CFAP99: variants seen among roughly 807,000 people sequenced by gnomAD.
The protein encoded by CFAP99 is cilia- and flagella-associated protein 99.
CFAP99 carries 84 observed loss-of-function variants against 82.7 expected under a neutral mutation model. The observed-to-expected ratio is 1.02, with a 90% CI of 0.85 to 1.22. The LOEUF (loss-of-function observed/expected upper bound fraction) is 1.22, where lower values mean the gene tolerates loss of function less well. Among genes scored for constraint, CFAP99 ranks in the 50% most tolerant of loss-of-function variants. The probability of loss-of-function intolerance (pLI) is 0.00; values close to 1 mark genes in which losing one functional copy is unlikely to be tolerated. For synonymous variants in CFAP99, 456 were observed against 429.5 expected (o/e 1.06, Z -0.76); for missense variants, 1,059 against 983.5 (o/e 1.08, Z -1.03).
chr4:2,423,541 T>G (rs531404745), intron 1 of CFAP99, among the ~76,000 whole-genome samples: 6 of 151,834 alleles, frequency 4.0e-5, no homozygotes, highest in Admixed American at 1.3e-4. Context: ...TGGGGTGGGG[T>G]GTGGGTGGTC....
intron 13 of CFAP99, 145 bp downstream of exon 13, chr4:2,459,403 C>T: frequency 3.9e-6 from 4 of 1,016,738 alleles, no homozygotes; most frequent in East Asian, 5.3e-5. Flanking sequence ...CGTGACTCAA[C>T]ACCCATGTGC....
chr4:2,459,064 C>T, intron 12 of CFAP99, 43 bp from the exon 13 acceptor site: 10 of 1,476,556 alleles, frequency 6.8e-6, no homozygotes, highest in African/African-American at 1.4e-5. Flanking sequence ...AGCCCCTGCC[C>T]TGCCACCCAC....
chr4:2,443,448 G>A (rs1734097499), intron 5 of CFAP99, among the ~76,000 whole-genome samples: 1 of 152,230 alleles, frequency 6.6e-6, no homozygotes, highest in African/African-American at 2.4e-5. Context: ...AAAAGACGTG[G>A]TCCAACTGCC....
At chr4:2,421,388 T>C (rs1192274718) in intron 1 of CFAP99, among the ~76,000 whole-genome samples, 1 of 129,872 alleles carries the variant, frequency 7.7e-6, no homozygotes, top group African/African-American at 2.9e-5. Flanking sequence ...GGCGTCTCGC[T>C]CTGTCGCCCA....
In CFAP99 at chr4:2,448,320, C is replaced by T. The variant is rs1036772695; in HGVS notation, c.643-1350C>T. ...CCCCTGCCTGGGCCCTCACCATGTCCTCCCATGCTCTATAGCTGTGTGCCT... is the reference window on the plus strand; with the variant it reads ...CCCCTGCCTGGGCCCTCACCATGTCTTCCCATGCTCTATAGCTGTGTGCCT... On this transcript the variant is annotated intron_variant, in intron 6 of 14. Coordinates refer to ENST00000635017, the Ensembl canonical transcript of CFAP99. This position sits in a 1 kb window ranked among gnomAD's most constrained non-coding sequence, Gnocchi z 5.2. 2.0e-5 allele frequency among the ~76,000 whole-genome samples: 3 copies of T among 152,214 alleles called. No homozygotes were observed. The highest frequency in any genetic ancestry group is 1.9e-4 in the East Asian group (1 of 5,200).
intron 3 of CFAP99, among the ~76,000 whole-genome samples, 185 bp downstream of exon 3, chr4:2,437,203 G>A (rs1246067946): frequency 6.6e-6 from 1 of 152,158 alleles, no homozygotes; most frequent in Non-Finnish European, 1.5e-5. Flanking sequence ...CCTTGCAGAT[G>A]GGAAACTGAT....
Position 2,421,389 on chromosome 4 carries a change from C to T in CFAP99, c.-18+2296C>T, listed in dbSNP as rs544636276. 2.2e-3 allele frequency among the ~76,000 whole-genome samples: 288 copies of T among 133,652 alleles called. 2 individuals carry two copies. The highest frequency in any genetic ancestry group is 3.6e-3 in the Non-Finnish European group (236 of 64,870). 87.7% of individuals were successfully genotyped at this position (133,652 alleles called of 152,430 possible). Reference sequence around the variant, plus strand: ...TTTTTTTTTGAGATGGCGTCTCGCTCTGTCGCCCAGGCTGGAGTGCAGAGG... The same window carrying T: ...TTTTTTTTTGAGATGGCGTCTCGCTTTGTCGCCCAGGCTGGAGTGCAGAGG... On this transcript the variant is annotated intron_variant, in intron 1 of 14. Transcript: ENST00000635017.
chr4:2,430,669 G>A (rs536805569), intron 2 of CFAP99, among the ~76,000 whole-genome samples: 6 of 152,372 alleles, frequency 3.9e-5, no homozygotes, highest in African/African-American at 1.4e-4. Context: ...CAGGCATGGT[G>A]GCACGTACCT....
At chr4:2,460,200 T>A in exon 14 of CFAP99, 1 of 1,535,952 alleles carries the variant, frequency 6.5e-7, no homozygotes, top group Non-Finnish European at 8.7e-7. Flanking sequence ...GTGGAGCAGA[T>A]CTCGCTGTGC....
chr4:2,453,873 G>T (rs1416925275), intron 11 of CFAP99, among the ~76,000 whole-genome samples: 1 of 151,370 alleles, frequency 6.6e-6, no homozygotes, highest in Admixed American at 6.6e-5. Flanking sequence ...GAGTGCGGTG[G>T]TGTGATCTCA....
chr4:2,455,381 T>C (rs573153094), intron 11 of CFAP99, among the ~76,000 whole-genome samples: 8 of 152,302 alleles, frequency 5.3e-5, no homozygotes, highest in African/African-American at 1.7e-4. Flanking sequence ...AGTTAGAAAA[T>C]GCCACTCTTG....
At chr4:2,442,305 T>G (rs567754732) in intron 4 of CFAP99, among the ~76,000 whole-genome samples, 5 of 150,656 alleles carry the variant, frequency 3.3e-5, no homozygotes, top group African/African-American at 1.2e-4. Flanking sequence ...ATGGCCCCCT[T>G]GAGGGAGGAA....
In CFAP99 at chr4:2,445,875, G is replaced by A. The variant is rs189104758; in HGVS notation, c.642+567G>A. On this transcript the variant is annotated intron_variant, in intron 6 of 14. Transcript: ENST00000635017. ...GACCAGGGTTCCAGCTCTGCTTCTCGTATAGGTGCATGAGAGGACACCTGG... is the reference window on the plus strand; with the variant it reads ...GACCAGGGTTCCAGCTCTGCTTCTCATATAGGTGCATGAGAGGACACCTGG... 5.6e-3 allele frequency among the ~76,000 whole-genome samples: 853 copies of A among 152,300 alleles called. 3 individuals carry two copies. Among genetic ancestry groups the A allele is most frequent in the African/African-American group, 0.017 (716 of 41,554 alleles).
rs535397103 is a variant in CFAP99, at chr4:2,440,437, C to T, written c.351+2273C>T. On this transcript the variant is annotated intron_variant, in intron 4 of 14. Transcript: ENST00000635017. ...CTGGGATTACAGGCGTGAGCCACCGCGCCCGGCCGACATTCTTAATAATTG... is the reference window on the plus strand; with the variant it reads ...CTGGGATTACAGGCGTGAGCCACCGTGCCCGGCCGACATTCTTAATAATTG... Among the ~76,000 whole-genome samples the T allele has an allele frequency of 3.3e-5, 5 of 151,482 alleles. No individual in the cohort carries two copies. In the East Asian group the frequency reaches 6.1e-4, roughly 18 times the overall value.
chr4:2,440,216 G>A (rs1362493979), intron 4 of CFAP99, among the ~76,000 whole-genome samples: 4 of 132,110 alleles, frequency 3.0e-5, no homozygotes, highest in East Asian at 2.3e-4. Context: ...GCAGGATCTC[G>A]GCTCACTGCA....
At chr4:2,444,971 A>G (rs1357320869) in intron 5 of CFAP99, among the ~76,000 whole-genome samples, 160 bp from the exon 6 acceptor site, 4 of 152,142 alleles carry the variant, frequency 2.6e-5, no homozygotes, top group Non-Finnish European at 5.9e-5. Context: ...TATGCCTACA[A>G]GTAGAAGCCA....
intron 1 of CFAP99, among the ~76,000 whole-genome samples, chr4:2,421,937 G>A (rs1228520490): frequency 6.6e-6 from 1 of 151,870 alleles, no homozygotes; most frequent in Non-Finnish European, 1.5e-5. Context: ...CATGCCTAGA[G>A]TCCCAGCTAC....
Position 2,418,985 on chromosome 4 carries a change from G to C in CFAP99, c.-126G>C, listed in dbSNP as rs1425023691. 1 of 152,154 alleles carries C rather than the reference G, an allele frequency of 6.6e-6. No homozygotes were observed. Among genetic ancestry groups the C allele is most frequent in the Non-Finnish European group, 1.5e-5 (1 of 68,022 alleles). 9.4% of individuals were successfully genotyped at this position (152,154 alleles called of 1,614,324 possible). The stretch of plus-strand genomic sequence containing the variant: ...ACAGCCGCGGCGTCCTGCCTACCGG[G>C]AGCTGACGGACGACGACTGCCAACA... On this transcript the variant is annotated 5_prime_UTR_variant, in exon 1 of 15. Coordinates refer to ENST00000635017, the Ensembl canonical transcript of CFAP99. This position sits in a 1 kb window ranked among gnomAD's most constrained non-coding sequence, Gnocchi z 4.6.
chr4:2,427,497 G>C (rs1733710408), intron 2 of CFAP99: 1 of 152,570 alleles, frequency 6.6e-6, no homozygotes, highest in African/African-American at 2.4e-5. Flanking sequence ...CAGGAGCAGG[G>C]AGCGGGCACT....
Sources: gnomAD v4.1 joint callset for allele counts (sites outside exome capture counted in the v4.1 genomes callset) on GRCh38, gnomAD v4.1.1 for gene constraint, Gnocchi (gnomAD v3.1) non-coding constraint, MANE v1.5 for transcripts, NCBI Gene and HGNC (gene_info 2026-07-23, HGNC 2026-07-21) for gene names.